The following CACNA1B variants were observed in gnomAD, a reference collection of about 807,000 sequenced individuals.
The protein encoded by CACNA1B is calcium voltage-gated channel subunit alpha1 B.
CACNA1B carries 70 observed loss-of-function variants against 247.2 expected under a neutral mutation model. That is an observed-to-expected ratio of 0.28 (90% CI 0.23 to 0.35). CACNA1B has a LOEUF of 0.35. Ranked by LOEUF, CACNA1B falls within the 10% of genes least tolerant of loss-of-function variation. CACNA1B has a pLI of 1.00. For synonymous variants in CACNA1B, 1,231 were observed against 1,294.4 expected (o/e 0.95, Z 1.05); for missense variants, 2,367 against 3,197.4 (o/e 0.74, Z 6.26).
At chr9:138,028,229 G>A (rs941044042) in intron 20 of CACNA1B, among the ~76,000 whole-genome samples, 2 of 151,756 alleles carry the variant, frequency 1.3e-5, no homozygotes, top group African/African-American at 4.8e-5. Context: ...CGCCGTGTTG[G>A]CCAGGCTGAT....
chr9:137,898,940 TAA>T (rs1402888251), intron 3 of CACNA1B, among the ~76,000 whole-genome samples: 1 of 151,868 alleles, frequency 6.6e-6, no homozygotes, highest in Non-Finnish European at 1.5e-5. Context: ...TCAGCCTCCC[TAA>T]AAATTTTTTT....
rs900747284 is a variant in CACNA1B, at chr9:137,880,233, C to T, written c.390+1074C>T. Reference sequence around the variant, plus strand: ...CACCAGGAGGTGAGTTATGGGTGGCCGAGGTGAGGAGGTCTTAATGGAGCA... The same window carrying T: ...CACCAGGAGGTGAGTTATGGGTGGCTGAGGTGAGGAGGTCTTAATGGAGCA... On this transcript the variant is annotated intron_variant, in intron 2 of 46. Transcript: ENST00000371372. The surrounding 1 kb of genome is among the most constrained non-coding windows in gnomAD (Gnocchi z 4.8). Among the ~76,000 whole-genome samples the T allele has an allele frequency of 3.9e-5, 6 of 152,084 alleles. No individual in the cohort carries two copies. Among genetic ancestry groups the T allele is most frequent in the South Asian group, 2.1e-4 (1 of 4,810 alleles).
At chr9:138,019,953 C>T (rs1226172814) in intron 18 of CACNA1B, among the ~76,000 whole-genome samples, 2 of 151,784 alleles carry the variant, frequency 1.3e-5, no homozygotes, top group Non-Finnish European at 2.9e-5. Flanking sequence ...AAAAATTAGC[C>T]GTGAGTGGTG....
chr9:138,001,761 A>G (rs937298661), intron 15 of CACNA1B, among the ~76,000 whole-genome samples: 4 of 152,202 alleles, frequency 2.6e-5, no homozygotes, highest in African/African-American at 9.6e-5. Context: ...TATAATAAAT[A>G]ACATTATTCA....
chr9:138,075,789 G>T (rs1293721352), intron 34 of CACNA1B, 30 bp from the exon 35 acceptor site: 25 of 1,468,768 alleles, frequency 1.7e-5, no homozygotes, highest in Non-Finnish European at 2.1e-5. Flanking sequence ...GACCCAGCAG[G>T]GTCCGTGCCA....
rs201934357 is a variant in CACNA1B at position 138,043,833 on chromosome 9, G to A, written c.3346G>A (p.Val1116Met). The A allele has an allele frequency of 4.2e-5, 67 of 1,613,868 alleles. 1 individual carries two copies. The highest frequency in any genetic ancestry group is 1.5e-4 in the South Asian group (14 of 91,088). Residue 1116 changes from valine to methionine, a missense_variant, in exon 21 of 47, where the codon GTG becomes ATG. Transcript: ENST00000371372. ...EGKKEVEADDVMRSGPRPIVP... is the reference protein window; with the variant it reads ...EGKKEVEADDMMRSGPRPIVP... ...GAAGAAGGAGGTGGAAGCGGATGAC[G>A]TGATGAGGAGCGGCCCCCGGCCTAT... is the stretch of plus-strand genomic sequence containing the variant.
chr9:138,105,842 C>A, intron 39 of CACNA1B, 35 bp downstream of exon 39: 1 of 1,182,204 alleles, frequency 8.5e-7, no homozygotes. Flanking sequence ...GGGCCCTGGA[C>A]CCAGGGATGT....
At chr9:137,953,088 G>A (rs768365453) in intron 7 of CACNA1B, among the ~76,000 whole-genome samples, 2 of 152,166 alleles carry the variant, frequency 1.3e-5, no homozygotes, top group African/African-American at 2.4e-5. Flanking sequence ...TGTGGTAGGC[G>A]GGCATGGCCA....
At chr9:138,056,657 A>G (rs1346583483) in intron 26 of CACNA1B, among the ~76,000 whole-genome samples, 1 of 152,234 alleles carries the variant, frequency 6.6e-6, no homozygotes, top group African/African-American at 2.4e-5. Flanking sequence ...GACTGTTTCC[A>G]AAGTGGCTAA....
At chr9:137,886,204 C>G (rs1957009315) in intron 3 of CACNA1B, among the ~76,000 whole-genome samples, 1 of 151,824 alleles carries the variant, frequency 6.6e-6, no homozygotes, top group African/African-American at 2.4e-5. Context: ...CGGGGCTGAG[C>G]CGGCTCCCCA....
At position 137,893,948 on chromosome 9, in the gene CACNA1B, C is replaced by T. The variant is rs529487001; in HGVS notation, c.530+11065C>T. ...TTACCTCACCCACCTTCCCTTTACT[C>T]GCTGGCAACCACTCATCTGTGCATT... On this transcript the variant is annotated intron_variant, in intron 3 of 46. Transcript: ENST00000371372. Among the ~76,000 whole-genome samples, 105 of 152,352 alleles carry T rather than the reference C, an allele frequency of 6.9e-4. 1 individual carries two copies. The highest frequency in any genetic ancestry group is 2.0e-3 in the African/African-American group (82 of 41,580).
At chr9:137,963,118 C>A (rs1017572892) in intron 10 of CACNA1B, among the ~76,000 whole-genome samples, 1 of 152,162 alleles carries the variant, frequency 6.6e-6, no homozygotes, top group Admixed American at 6.5e-5. Flanking sequence ...TGAATTGAAC[C>A]CTTTACCACT....
At chr9:137,996,063 T>C (rs1321271439) in intron 15 of CACNA1B, among the ~76,000 whole-genome samples, 4 of 152,198 alleles carry the variant, frequency 2.6e-5, no homozygotes, top group African/African-American at 7.2e-5. Context: ...AGTGAGAATG[T>C]GAATTAATAC....
intron 20 of CACNA1B, among the ~76,000 whole-genome samples, chr9:138,039,718 C>T (rs1336193145): frequency 6.6e-6 from 1 of 152,024 alleles, no homozygotes; most frequent in Non-Finnish European, 1.5e-5. Flanking sequence ...CTTTGAAATT[C>T]ATTTGCATTT....
intron 3 of CACNA1B, among the ~76,000 whole-genome samples, chr9:137,901,879 C>T (rs896507657): frequency 2.0e-4 from 30 of 151,834 alleles, no homozygotes; most frequent in African/African-American, 6.5e-4. Context: ...TTAATAGAGA[C>T]GGGGTTTCAC....
Position 138,058,071 on chromosome 9 carries a change from G to A in CACNA1B, c.4129G>A (p.Ala1377Thr). The A allele has an allele frequency of 6.2e-7, 1 of 1,613,906 alleles. No individual in the cohort carries two copies. Among genetic ancestry groups the A allele is most frequent in the Non-Finnish European group, 8.5e-7 (1 of 1,179,738 alleles). Residue 1377 changes from alanine (A) to threonine (T), a missense_variant, in exon 28 of 47, where the codon GCC (alanine) becomes ACC (threonine). Ala to Thr is a moderately conservative substitution (Grantham distance 58, BLOSUM62 0). Transcript: ENST00000371372. The surrounding 1 kb of genome is among the most constrained non-coding windows in gnomAD (Gnocchi z 4.7). ...WPMVLKHSVD[A>T]TYEEQGPSPG... The stretch of plus-strand genomic sequence containing the variant: ...CAGGGTGCTGAAACACTCCGTGGAT[G>A]CCACCTATGAGGAGCAGGGTCCAAG...
At chr9:138,075,936 A>G in intron 35 of CACNA1B, 26 bp downstream of exon 35, 1 of 1,479,412 alleles carries the variant, frequency 6.8e-7, no homozygotes, top group Non-Finnish European at 9.4e-7. Flanking sequence ...AGCCCAGGCC[A>G]ATGTCTGCTC....
intron 3 of CACNA1B, among the ~76,000 whole-genome samples, chr9:137,895,436 G>T (rs992418623): frequency 6.6e-6 from 1 of 152,138 alleles, no homozygotes; most frequent in Non-Finnish European, 1.5e-5. Flanking sequence ...CTGTATGTTA[G>T]TTTATGAACA....
At position 138,121,916 on chromosome 9, in the gene CACNA1B, G is replaced by A. The variant is rs201016837; in HGVS notation, c.6937G>A (p.Gly2313Ser). 1.4e-5 allele frequency: 22 copies of A among 1,610,826 alleles called. No individual in the cohort carries two copies. Among genetic ancestry groups the A allele is most frequent in the African/African-American group, 5.3e-5 (4 of 74,950 alleles). Residue 2313 changes from glycine (G) to serine (S), a missense_variant, in exon 47 of 47, where the codon GGT (glycine) becomes AGT (serine). By Grantham distance (56) the Gly-to-Ser change is moderately conservative. Around this residue, in one of 12 missense-constraint regions of CACNA1B, gnomAD observed 773 missense variants for 779.4 expected, o/e 0.99. Transcript: ENST00000371372. The surrounding 1 kb of genome is among the most constrained non-coding windows in gnomAD (Gnocchi z 6.8). Reference protein sequence around the residue: ...QSHPLRRVPNGYHCTLGLSSG... With the variant: ...QSHPLRRVPNSYHCTLGLSSG... ...TCACCCTCTCCGCCGCGTGCCCAAC[G>A]GTTACCACTGCACCCTGGGACTCAG... is the stretch of plus-strand genomic sequence containing the variant.
Sources: allele counts gnomAD v4.1 joint callset (sites outside exome capture counted in the v4.1 genomes callset), GRCh38; gene constraint gnomAD v4.1.1; regional missense constraint gnomAD v4.1.1; non-coding constraint Gnocchi (gnomAD v3.1); transcripts MANE v1.5; gene names NCBI Gene and HGNC (gene_info 2026-07-23, HGNC 2026-07-21).